BCAT1: variants seen among roughly 807,000 people sequenced by gnomAD.
BCAT1 encodes the protein branched-chain-amino-acid aminotransferase, cytosolic.
In BCAT1, 48 loss-of-function variants were observed where a neutral mutation model predicts 52.4. The observed-to-expected ratio is 0.92, with a 90% CI of 0.73 to 1.16. The LOEUF is 1.16. Ranked by LOEUF, BCAT1 falls within the 50% of genes most tolerant of loss-of-function variation. BCAT1 has a pLI of 0.00. For missense variants in BCAT1, 451 were observed against 457.1 expected, an observed-to-expected ratio of 0.99 and a Z score of 0.12; for synonymous variants, 167 against 161.3, an observed-to-expected ratio of 1.04 and a Z score of -0.27.
At chr12:24,869,106 A>T (rs1247465975) in intron 5 of BCAT1, among the ~76,000 whole-genome samples, 1 of 152,216 alleles carries the variant, frequency 6.6e-6, no homozygotes, top group African/African-American at 2.4e-5. Flanking sequence ...ATAACACAAG[A>T]CTGTATACAT....
At chr12:24,840,717 C>A (rs1366653721) in intron 7 of BCAT1, among the ~76,000 whole-genome samples, 1 of 152,196 alleles carries the variant, frequency 6.6e-6, no homozygotes, top group Non-Finnish European at 1.5e-5. Flanking sequence ...AATTCAGCCA[C>A]ATCTAAATTA....
intron 10 of BCAT1, among the ~76,000 whole-genome samples, chr12:24,824,103 T>A (rs11047656): frequency 0.091 from 13,805 of 152,250 alleles, 867 homozygotes; most frequent in Non-Finnish European, 0.13. Flanking sequence ...GAAAGCTTCA[T>A]GATCATGTCT....
rs752040069 is a variant in BCAT1 at position 24,902,015 on chromosome 12, T to C, written c.7-130A>G. ...CCCAGGCAAACACAAAAAAGGAGGC[T>C]CAGACAACCAAGCACCCAGGCCCGA... On this transcript the variant is annotated intron_variant, in intron 1 of 10. Coordinates refer to ENST00000261192, the MANE Select transcript of BCAT1 (RefSeq NM_005504.7). 17 of 1,582,832 alleles carry C rather than the reference T, an allele frequency of 1.1e-5. No individual in the cohort carries two copies. In the East Asian group the frequency reaches 3.6e-4, roughly 34 times the overall value.
intron 1 of BCAT1, among the ~76,000 whole-genome samples, chr12:24,934,449 G>C (rs1276372215): frequency 6.6e-6 from 1 of 152,216 alleles, no homozygotes. Flanking sequence ...ACCTTGAGCA[G>C]TGTCTGATGC....
intron 1 of BCAT1, among the ~76,000 whole-genome samples, chr12:24,921,510 T>C (rs954143716): frequency 1.1e-4 from 16 of 152,174 alleles, no homozygotes; most frequent in African/African-American, 3.9e-4. Flanking sequence ...CTATGGAAAC[T>C]CTTTTTCACC....
chr12:24,834,219 T>C (rs914539985), intron 8 of BCAT1: 28 of 980,452 alleles, frequency 2.9e-5, no homozygotes, highest in Non-Finnish European at 2.9e-5. Context: ...TGGACTTTAT[T>C]TGAGAAATTG....
chr12:24,906,209 T>C (rs143322406), intron 1 of BCAT1, among the ~76,000 whole-genome samples: 27 of 150,620 alleles, frequency 1.8e-4, no homozygotes, highest in Non-Finnish European at 3.0e-4. Context: ...AAAAGAAAAA[T>C]AGATGATATA....
chr12:24,870,974 G>T (rs1424715051), intron 5 of BCAT1, among the ~76,000 whole-genome samples: 1 of 151,932 alleles, frequency 6.6e-6, no homozygotes, highest in Non-Finnish European at 1.5e-5. Context: ...AGTGAGCTGA[G>T]ATCACACAAC....
intron 5 of BCAT1, among the ~76,000 whole-genome samples, chr12:24,853,086 T>C (rs1941562318): frequency 6.6e-6 from 1 of 152,210 alleles, no homozygotes. Flanking sequence ...CAATCTAAAT[T>C]CTGTGCTACT....
At chr12:24,834,504 T>C in intron 8 of BCAT1, 1 of 975,832 alleles carries the variant, frequency 1.0e-6, no homozygotes, top group Non-Finnish European at 1.2e-6. Context: ...GTTATTTGAA[T>C]AAAGGGCAAT....
intron 8 of BCAT1, among the ~76,000 whole-genome samples, 182 bp from the exon 9 acceptor site, chr12:24,833,045 C>T (rs1591786614): frequency 1.3e-5 from 2 of 152,108 alleles, no homozygotes; most frequent in African/African-American, 4.8e-5. Context: ...GTTAAGTAAC[C>T]TACTTCAAGG....
At chr12:24,850,869 TTTTAAA>T (rs1411054652) in intron 5 of BCAT1, among the ~76,000 whole-genome samples, 2 of 152,208 alleles carry the variant, frequency 1.3e-5, no homozygotes, top group Admixed American at 6.5e-5. Context: ...AATTAAAAAC[TTTTAAA>T]TTTAATTCAG....
intron 1 of BCAT1, among the ~76,000 whole-genome samples, chr12:24,947,380 C>G (rs1419570986): frequency 6.6e-6 from 1 of 152,208 alleles, no homozygotes; most frequent in African/African-American, 2.4e-5. Context: ...TCTTAAAATA[C>G]AAGCTCATGC....
At chr12:24,905,274 T>C (rs1943207653) in intron 1 of BCAT1, among the ~76,000 whole-genome samples, 2 of 152,222 alleles carry the variant, frequency 1.3e-5, no homozygotes, top group African/African-American at 2.4e-5. Context: ...ATAGAGTTTA[T>C]TTAAATCATT....
intron 7 of BCAT1, among the ~76,000 whole-genome samples, chr12:24,837,717 G>A (rs570453614): frequency 5.3e-5 from 8 of 152,184 alleles, no homozygotes; most frequent in South Asian, 2.1e-4. Context: ...GTGAGCCACC[G>A]CACCCAGCCT....
chr12:24,827,549 T>C (rs1487959292), intron 10 of BCAT1, among the ~76,000 whole-genome samples: 3 of 152,202 alleles, frequency 2.0e-5, no homozygotes, highest in African/African-American at 4.8e-5. Flanking sequence ...CTCAGCACTT[T>C]GGGAGGCTAA....
At position 24,832,808 on chromosome 12, in the gene BCAT1, A is replaced by T. The variant is rs1202146519; in HGVS notation, c.959T>A (p.Leu320Gln). ...CATCTCTCTCACTCTGTTCCCCTCCAGGGCTGTTGTCAAGTCATCCATGGT... is the reference window on the plus strand; with the variant it reads ...CATCTCTCTCACTCTGTTCCCCTCCTGGGCTGTTGTCAAGTCATCCATGGT... ...YLTMDDLTTALEGNRVREMFG... is the reference protein window; with the variant it reads ...YLTMDDLTTAQEGNRVREMFG... The change falls in exon 9 of 11, where the codon CTG (leucine) becomes CAG (glutamine). Residue 320 changes from leucine to glutamine, a missense_variant. By Grantham distance (113) the Leu-to-Gln change is moderately radical. Coordinates refer to ENST00000261192, the MANE Select transcript of BCAT1 (RefSeq NM_005504.7). 3 of 1,612,276 alleles carry T rather than the reference A, an allele frequency of 1.9e-6. No individual in the cohort carries two copies. The highest frequency in any genetic ancestry group is 1.3e-5 in the African/African-American group (1 of 74,922).
intron 10 of BCAT1, among the ~76,000 whole-genome samples, chr12:24,824,231 T>TTTCCTTCC (rs560798912): frequency 0.11 from 2,351 of 21,052 alleles, 130 homozygotes; most frequent in African/African-American, 0.26. Flanking sequence ...TGAGTTTACA[T>TTTCCTTCC]TTCCTTCCTT....
At chr12:24,828,765 G>A (rs1391958610) in intron 10 of BCAT1, among the ~76,000 whole-genome samples, 1 of 152,154 alleles carries the variant, frequency 6.6e-6, no homozygotes, top group African/African-American at 2.4e-5. Context: ...CAGCACTTTG[G>A]GAAGCCAAGG....
Sources: gnomAD v4.1 joint callset for allele counts (sites outside exome capture counted in the v4.1 genomes callset) on GRCh38, gnomAD v4.1.1 for gene constraint, MANE v1.5 for transcripts, NCBI Gene and HGNC (gene_info 2026-07-23, HGNC 2026-07-21) for gene names.